The following SUPV3L1 variants were observed in gnomAD, a reference collection of about 807,000 sequenced individuals.
SUPV3L1 encodes Suv3 like RNA helicase.
SUPV3L1 carries 35 observed loss-of-function variants against 70.0 expected under a neutral mutation model. That is an observed-to-expected ratio of 0.50 (90% CI 0.38 to 0.66). The LOEUF (loss-of-function observed/expected upper bound fraction) is 0.66, where lower values mean the gene tolerates loss of function less well. Among genes scored for constraint, SUPV3L1 ranks in the 30% least tolerant of loss-of-function variants. SUPV3L1 has a pLI of 0.00. For synonymous variants in SUPV3L1, 364 were observed against 341.9 expected (o/e 1.06, Z -0.71); for missense variants, 777 against 961.5 (o/e 0.81, Z 2.54).
chr10:69,195,470 A>G (rs1842518608), intron 7 of SUPV3L1: 1 of 395,950 alleles, frequency 2.5e-6, no homozygotes, highest in Non-Finnish European at 4.4e-6. Context: ...AACTAGCATA[A>G]CCATGTAATT....
At chr10:69,188,051 G>T (rs1021700292) in intron 4 of SUPV3L1, among the ~76,000 whole-genome samples, 1 of 152,094 alleles carries the variant, frequency 6.6e-6, no homozygotes, top group Non-Finnish European at 1.5e-5. Context: ...CTGAGCGCCT[G>T]GGTGTTAATG....
Position 69,202,897 on chromosome 10 carries a change from G to A in SUPV3L1, c.1630G>A (p.Gly544Arg). The A allele has an allele frequency of 6.2e-7, 1 of 1,612,976 alleles. No homozygotes were observed. The highest frequency in any genetic ancestry group is 2.2e-5 in the East Asian group (1 of 44,852). Residue 544 changes from glycine (G) to arginine (R), a missense_variant, in exon 13 of 15, where the codon GGG becomes AGG. By Grantham distance (125) the Gly-to-Arg change is moderately radical. Coordinates refer to ENST00000359655, the MANE Select transcript of SUPV3L1 (RefSeq NM_003171.5). Reference protein sequence around the residue: ...DIFVDFSQVDGQYFVCNMDDF... With the variant: ...DIFVDFSQVDRQYFVCNMDDF... ...TTTTGTAGACTTTTCACAAGTTGAT[G>A]GGCAGTATTTTGTCTGCAATATGGA... is the stretch of plus-strand genomic sequence containing the variant.
Position 69,207,949 on chromosome 10 carries a change from C to G in SUPV3L1, c.1925+8C>G, listed in dbSNP as rs1842877362. ...TCTTTACTTGTGGCTAAGGTACCAA[C>G]ATTTTTCCTTTATGTGCTCTCATTT... On this transcript the variant is annotated splice_region_variant and intron_variant, in intron 14 of 14. Coordinates refer to ENST00000359655, the MANE Select transcript of SUPV3L1 (RefSeq NM_003171.5). 2 of 1,610,548 alleles carry G rather than the reference C, an allele frequency of 1.2e-6. No homozygotes were observed. Among genetic ancestry groups the G allele is most frequent in the Admixed American group, 3.4e-5 (2 of 59,086 alleles).
chr10:69,180,788 T>C (rs1207991689), intron 1 of SUPV3L1, among the ~76,000 whole-genome samples: 2 of 152,186 alleles, frequency 1.3e-5, no homozygotes, highest in Non-Finnish European at 2.9e-5. Context: ...CTTTTCCCTT[T>C]TACTGCCCTG....
chr10:69,186,105 C>T, intron 2 of SUPV3L1, 41 bp downstream of exon 2: 1 of 1,557,032 alleles, frequency 6.4e-7, no homozygotes, highest in South Asian at 1.1e-5. Context: ...TTTATTACCT[C>T]TTACGGTACA....
intron 1 of SUPV3L1, among the ~76,000 whole-genome samples, chr10:69,181,414 G>C (rs1707540808): frequency 6.6e-6 from 1 of 152,144 alleles, no homozygotes. Context: ...CTAAAATATA[G>C]ACTACAATAT....
At chr10:69,187,336 T>C (rs1842257356) in intron 3 of SUPV3L1, 1 of 145,044 alleles carries the variant, frequency 6.9e-6, no homozygotes, top group South Asian at 2.2e-4. Context: ...TTTTTTCTTT[T>C]CTTCCTTTTT....
rs762400631 is a variant in SUPV3L1, at chr10:69,180,415, G to C, written c.124G>C (p.Val42Leu). The C allele has an allele frequency of 6.2e-7, 1 of 1,614,254 alleles. No individual in the cohort carries two copies. Among genetic ancestry groups the C allele is most frequent in the Non-Finnish European group, 8.5e-7 (1 of 1,180,048 alleles). ...FGPFPGVLGQ[V>L]SVLATASSSA... ...GCCCTTTCCCGGGGTTCTGGGGCAAGTTTCTGTCCTTGCCACCGCCTCCTC... is the reference window on the plus strand; with the variant it reads ...GCCCTTTCCCGGGGTTCTGGGGCAACTTTCTGTCCTTGCCACCGCCTCCTC... Residue 42 changes from valine to leucine, a missense_variant, in exon 1 of 15, where the codon GTT becomes CTT. Around this residue, in one of 2 missense-constraint regions of SUPV3L1, gnomAD observed 158 missense variants for 138.3 expected, o/e 1.14. Coordinates refer to ENST00000359655, the MANE Select transcript of SUPV3L1 (RefSeq NM_003171.5).
At chr10:69,207,743 T>C in intron 13 of SUPV3L1, 50 bp from the exon 14 acceptor site, 1 of 1,574,532 alleles carries the variant, frequency 6.4e-7, no homozygotes, top group Non-Finnish European at 8.6e-7. Context: ...ATTATAGACT[T>C]AAGGGAATTC....
chr10:69,196,178 G>A (rs1256114288), intron 7 of SUPV3L1, among the ~76,000 whole-genome samples: 1 of 151,794 alleles, frequency 6.6e-6, no homozygotes, highest in Non-Finnish European at 1.5e-5. Context: ...TAGGGCAGAT[G>A]TTTTCAAATT....
Position 69,200,506 on chromosome 10 carries a change from G to A in SUPV3L1, c.1518+7G>A, listed in dbSNP as rs754937514. On this transcript the variant is annotated splice_region_variant and intron_variant, in intron 11 of 14. Transcript: ENST00000359655. ...GCCTGTGGATCCTATAAGGGTAAGA[G>A]GTAACATGTTAACTACTGCTTCTCT... The A allele has an allele frequency of 1.2e-6, 2 of 1,606,406 alleles. No individual in the cohort carries two copies. Among genetic ancestry groups the A allele is most frequent in the South Asian group, 1.1e-5 (1 of 90,882 alleles).
chr10:69,207,560 C>T (rs1389336990), intron 13 of SUPV3L1, among the ~76,000 whole-genome samples: 2 of 152,134 alleles, frequency 1.3e-5, no homozygotes, highest in Non-Finnish European at 2.9e-5. Flanking sequence ...AAGTGATCTA[C>T]CCGCTTCAGA....
chr10:69,184,124 T>A lies in SUPV3L1; in HGVS notation c.272-1863T>A, dbSNP rs533886918. On this transcript the variant is annotated intron_variant, in intron 1 of 14. Transcript: ENST00000359655. The stretch of plus-strand genomic sequence containing the variant: ...ATAGGTTAATTCTAAATAAATGTGA[T>A]CTGTCTTTAGTTTGTATCGAGTTTA... Among the ~76,000 whole-genome samples the A allele has an allele frequency of 3.3e-5, 5 of 152,256 alleles. No individual in the cohort carries two copies. The South Asian group carries it at 1.0e-3, about 32-fold the overall frequency.
intron 6 of SUPV3L1, chr10:69,193,326 A>T (rs1589382638): frequency 6.6e-6 from 1 of 152,196 alleles, no homozygotes; most frequent in African/African-American, 2.4e-5. Flanking sequence ...TGAGAAGAAT[A>T]GTTTTTAAAA....
intron 7 of SUPV3L1, among the ~76,000 whole-genome samples, chr10:69,196,444 T>C (rs1190167706): frequency 6.7e-6 from 1 of 150,278 alleles, no homozygotes; most frequent in African/African-American, 2.5e-5. Flanking sequence ...TGAACCACAG[T>C]GAACCGAGGT....
At position 69,208,916 on chromosome 10, in the gene SUPV3L1, C is replaced by G. The variant is rs1247715194; in HGVS notation, c.2242C>G (p.Leu748Val). The G allele has an allele frequency of 6.2e-7, 1 of 1,613,992 alleles. No homozygotes were observed. ...VQQGLLTPDM[L>V]KQLEKEWMTQ... The stretch of plus-strand genomic sequence containing the variant: ...GCAAGGACTCCTCACTCCAGACATG[C>G]TGAAACAGCTAGAAAAAGAGTGGAT... Residue 748 changes from leucine to valine, a missense_variant, in exon 15 of 15, where the codon CTG becomes GTG. By Grantham distance (32) the Leu-to-Val change is conservative (BLOSUM62 1). This residue lies in a region of SUPV3L1 where 619 missense variants were observed against 823.3 expected (regional missense o/e 0.75). Transcript: ENST00000359655.
chr10:69,191,521 C>T, intron 5 of SUPV3L1, 134 bp from the exon 6 acceptor site: 1 of 704,162 alleles, frequency 1.4e-6, no homozygotes, highest in Non-Finnish European at 2.4e-6. Flanking sequence ...GCCACCGTGT[C>T]TGGCCGTGGG....
chr10:69,198,319 C>T (rs1842594829), intron 8 of SUPV3L1, 53 bp from the exon 9 acceptor site: 2 of 1,510,452 alleles, frequency 1.3e-6, no homozygotes, highest in African/African-American at 2.8e-5. Context: ...AATTACTAGT[C>T]ACAAGAAGTT....
At chr10:69,194,704 A>T (rs1842489963) in intron 6 of SUPV3L1, among the ~76,000 whole-genome samples, 1 of 149,052 alleles carries the variant, frequency 6.7e-6, no homozygotes, top group African/African-American at 2.6e-5. Context: ...TGAGCCTAGG[A>T]GTTTGAAGTT....
Sources: allele counts gnomAD v4.1 joint callset (sites outside exome capture counted in the v4.1 genomes callset), GRCh38; gene constraint gnomAD v4.1.1; regional missense constraint gnomAD v4.1.1; transcripts MANE v1.5; gene names NCBI Gene and HGNC (gene_info 2026-07-23, HGNC 2026-07-21).